MDN1: variants seen among roughly 807,000 people sequenced by gnomAD.
MDN1 encodes midasin.
In MDN1, 266 loss-of-function variants were observed where a neutral mutation model predicts 669.2. The observed-to-expected ratio is 0.40, with a 90% CI of 0.36 to 0.44. The LOEUF (loss-of-function observed/expected upper bound fraction) is 0.44, where lower values mean the gene tolerates loss of function less well. Among genes scored for constraint, MDN1 ranks in the 20% least tolerant of loss-of-function variants. MDN1 has a pLI of 1.00. For missense variants in MDN1, 5,940 were observed against 6,754.0 expected, an observed-to-expected ratio of 0.88 and a Z score of 4.22; for synonymous variants, 2,385 against 2,457.1, an observed-to-expected ratio of 0.97 and a Z score of 0.87.
At position 89,655,830 on chromosome 6, in the gene MDN1, C is replaced by T. The variant is rs1230912576; in HGVS notation, c.15424G>A (p.Val5142Met). ...TGCTCGAATGCATCTGCATCCTCCA[C>T]CTGGGCCTGGGGCTGCTGAGCTGGC... is the stretch of plus-strand genomic sequence containing the variant. ...QGPAQQPQAQVEDADAFEHIK... is the reference protein window; with the variant it reads ...QGPAQQPQAQMEDADAFEHIK... The change falls in exon 92 of 102, where the codon GTG (valine) becomes ATG (methionine). Residue 5142 changes from valine to methionine, a missense_variant. By Grantham distance (21) the Val-to-Met change is conservative. This residue lies in a region of MDN1 where 2,280 missense variants were observed against 2,576.3 expected (regional missense o/e 0.88). Transcript: ENST00000369393. 3.7e-6 allele frequency: 6 copies of T among 1,613,972 alleles called. No individual in the cohort carries two copies. Among genetic ancestry groups the T allele is most frequent in the African/African-American group, 2.7e-5 (2 of 74,932 alleles).
intron 17 of MDN1, among the ~76,000 whole-genome samples, chr6:89,761,383 A>G (rs991042868): frequency 4.6e-5 from 7 of 152,212 alleles, no homozygotes; most frequent in Non-Finnish European, 4.4e-5. Context: ...TCCATACCGT[A>G]TTCATAAATC....
At position 89,663,029 on chromosome 6, in the gene MDN1, G is replaced by A. The variant is rs1584116620; in HGVS notation, c.14237-62C>T. The stretch of plus-strand genomic sequence containing the variant: ...AACTGACCCAGTCCTGTGTATTTAA[G>A]AGAGGTGTGGACCCGCTTCCCTAGC... On this transcript the variant is annotated intron_variant, in intron 85 of 101. Coordinates refer to ENST00000369393, the MANE Select transcript of MDN1 (RefSeq NM_014611.3). The A allele has an allele frequency of 2.5e-6, 4 of 1,589,124 alleles. No individual in the cohort carries two copies. In the East Asian group the frequency reaches 9.0e-5, roughly 36 times the overall value.
At chr6:89,694,279 G>A in intron 61 of MDN1, 96 bp from the exon 62 acceptor site, 1 of 1,035,956 alleles carries the variant, frequency 9.7e-7, no homozygotes, top group South Asian at 1.3e-5. Context: ...CAAGATGGAA[G>A]GAATCTGGGT....
Position 89,774,743 on chromosome 6 carries a change from G to T in MDN1, c.1822-10C>A. 2 of 1,583,050 alleles carry T rather than the reference G, an allele frequency of 1.3e-6. No homozygotes were observed. The highest frequency in any genetic ancestry group is 1.7e-6 in the Non-Finnish European group (2 of 1,152,074). Reference sequence around the variant, plus strand: ...GACAAAAGAATTCAGCCTGTAGGAGGTAAGATTTTACCTGAGTAAAAATCC... The same window carrying T: ...GACAAAAGAATTCAGCCTGTAGGAGTTAAGATTTTACCTGAGTAAAAATCC... On this transcript the variant is annotated splice_polypyrimidine_tract_variant and intron_variant, in intron 12 of 101. Coordinates refer to ENST00000369393, the MANE Select transcript of MDN1 (RefSeq NM_014611.3).
chr6:89,746,527 G>A (rs1584307287), intron 27 of MDN1, among the ~76,000 whole-genome samples: 1 of 148,938 alleles, frequency 6.7e-6, no homozygotes, highest in South Asian at 2.1e-4. Flanking sequence ...CCGGGAGGCA[G>A]AGGTTACAGT....
chr6:89,658,556 A>G (rs948391842), intron 89 of MDN1, 54 bp downstream of exon 89: 1 of 1,545,334 alleles, frequency 6.5e-7, no homozygotes, highest in Admixed American at 1.9e-5. Context: ...GAATAAGGTG[A>G]CTTCTCCTCT....
intron 50 of MDN1, 84 bp from the exon 51 acceptor site, chr6:89,708,712 G>T: frequency 1.4e-6 from 2 of 1,453,852 alleles, no homozygotes; most frequent in Non-Finnish European, 1.9e-6. Context: ...TATTTTCATT[G>T]TTTTACTTTG....
At position 89,756,262 on chromosome 6, in the gene MDN1, CA is replaced by C; in HGVS notation, c.2816+14del. On this transcript the variant is annotated intron_variant, in intron 20 of 101. Coordinates refer to ENST00000369393, the MANE Select transcript of MDN1 (RefSeq NM_014611.3). Reference sequence around the variant, plus strand: ...CAGAGAAAGAGCTTATAAAGACATACAAAAGGGAACCTACTTTATGATTCCT... The same window carrying C: ...CAGAGAAAGAGCTTATAAAGACATACAAAGGGAACCTACTTTATGATTCCT... The C allele has an allele frequency of 7.4e-7, 1 of 1,352,934 alleles. No individual in the cohort carries two copies. Among genetic ancestry groups the C allele is most frequent in the East Asian group, 2.4e-5 (1 of 41,182 alleles). The allele number at this position is 1,352,934 out of a possible 1,614,324, so 83.8% of individuals were successfully genotyped here.
chr6:89,653,915 G>T (rs1008256133), intron 93 of MDN1, among the ~76,000 whole-genome samples: 2 of 152,140 alleles, frequency 1.3e-5, no homozygotes, highest in Non-Finnish European at 2.9e-5. Flanking sequence ...TTTAAAAACT[G>T]ATGAGATTTT....
intron 17 of MDN1, among the ~76,000 whole-genome samples, chr6:89,760,015 T>G (rs1817457423): frequency 1.3e-5 from 2 of 152,028 alleles, no homozygotes; most frequent in Non-Finnish European, 2.9e-5. Flanking sequence ...GAGGTTGCAG[T>G]GAGCCAAGAT....
rs180873805 is a variant in MDN1 at position 89,731,298 on chromosome 6, T to G, written c.4943-375A>C. On this transcript the variant is annotated intron_variant, in intron 34 of 101. Transcript: ENST00000369393. ...AATATTCAGGCCCATTATCAAAAAA[T>G]TACTACTCATGTTAAACATTGGCCA... is the stretch of plus-strand genomic sequence containing the variant. Among the ~76,000 whole-genome samples, 363 of 152,280 alleles carry G rather than the reference T, an allele frequency of 2.4e-3. 3 individuals carry two copies. The highest frequency in any genetic ancestry group is 8.4e-3 in the African/African-American group (348 of 41,562).
chr6:89,777,816 T>A (rs1056181093), intron 11 of MDN1, among the ~76,000 whole-genome samples: 1 of 152,016 alleles, frequency 6.6e-6, no homozygotes, highest in African/African-American at 2.4e-5. Context: ...TATGAGTTCA[T>A]CCCCAACCAA....
At chr6:89,751,379 C>G (rs758514032) in intron 23 of MDN1, 52 bp downstream of exon 23, 2 of 1,602,818 alleles carry the variant, frequency 1.2e-6, no homozygotes, top group South Asian at 2.2e-5. Context: ...AAAATGTCAT[C>G]AATGCCTATG....
intron 11 of MDN1, among the ~76,000 whole-genome samples, chr6:89,778,918 A>G (rs1183826299): frequency 2.7e-5 from 4 of 148,206 alleles, no homozygotes; most frequent in African/African-American, 4.9e-5. Context: ...AAATAAATAA[A>G]TAAATAAATA....
chr6:89,788,123 T>G (rs186666729), intron 7 of MDN1, among the ~76,000 whole-genome samples, 166 bp from the exon 8 acceptor site: 1 of 152,316 alleles, frequency 6.6e-6, no homozygotes, highest in African/African-American at 2.4e-5. Context: ...CTGAATCACC[T>G]ACACTCCAGC....
At chr6:89,726,837 C>A (rs535945241) in intron 37 of MDN1, among the ~76,000 whole-genome samples, 1 of 152,102 alleles carries the variant, frequency 6.6e-6, no homozygotes, top group Non-Finnish European at 1.5e-5. Flanking sequence ...TCAGAGCACA[C>A]TACATTAGAA....
At chr6:89,670,170 A>ATATATATATATTTTTTTT (rs1444537561) in intron 83 of MDN1, among the ~76,000 whole-genome samples, 3 of 23,412 alleles carry the variant, frequency 1.3e-4, no homozygotes, top group Non-Finnish European at 1.2e-4. Flanking sequence ...ATATATATAT[A>ATATATATATATTTTTTTT]TTTTTTTTTT....
chr6:89,729,977 T>C (rs1420353773), intron 35 of MDN1, among the ~76,000 whole-genome samples: 1 of 152,104 alleles, frequency 6.6e-6, no homozygotes, highest in Non-Finnish European at 1.5e-5. Context: ...ACCCCAGTAA[T>C]TGCCACTGCA....
At chr6:89,798,181 CAAA>C (rs10706907) in intron 2 of MDN1, among the ~76,000 whole-genome samples, 1 of 71,510 alleles carries the variant, frequency 1.4e-5, no homozygotes, top group Non-Finnish European at 2.6e-5. Context: ...GACTCTGTCT[CAAA>C]AAAAAAAAAA....
Sources: allele counts gnomAD v4.1 joint callset (sites outside exome capture counted in the v4.1 genomes callset), GRCh38; gene constraint gnomAD v4.1.1; regional missense constraint gnomAD v4.1.1; transcripts MANE v1.5; gene names NCBI Gene and HGNC (gene_info 2026-07-23, HGNC 2026-07-21).